Variants in DISC1 observed in about 807,000 individuals in gnomAD.
DISC1 encodes the protein DISC1 scaffold protein, also known as disrupted in schizophrenia 1 protein.
A neutral mutation model predicts 84.5 loss-of-function variants in DISC1; 57 were observed. The ratio of observed to expected loss-of-function variants is 0.67; its 90% CI spans 0.55 to 0.84. DISC1 has a LOEUF of 0.84. Ranked by LOEUF, DISC1 falls within the 40% of genes least tolerant of loss-of-function variation. The probability of loss-of-function intolerance (pLI) is 0.00; values close to 1 mark genes in which losing one functional copy is unlikely to be tolerated. For missense variants in DISC1, 1,000 were observed against 1,057.8 expected (o/e 0.95, Z 0.76); for synonymous variants, 411 against 415.2 (o/e 0.99, Z 0.12).
At chr1:231,892,496 C>G (rs767199456) in intron 9 of DISC1, among the ~76,000 whole-genome samples, 1 of 152,028 alleles carries the variant, frequency 6.6e-6, no homozygotes, top group Non-Finnish European at 1.5e-5. Flanking sequence ...GGTAAAGATA[C>G]AAGCTCACTG....
chr1:231,780,266 G>GA (rs915049994), intron 6 of DISC1, among the ~76,000 whole-genome samples: 83 of 137,152 alleles, frequency 6.1e-4, no homozygotes, highest in South Asian at 7.0e-4. Flanking sequence ...AGGAAAGAAT[G>GA]AAAAAAAAAA....
At chr1:231,664,590 C>T (rs757036829) in intron 1 of DISC1, among the ~76,000 whole-genome samples, 1 of 152,130 alleles carries the variant, frequency 6.6e-6, no homozygotes, top group African/African-American at 2.4e-5. Context: ...TGAAGATGCT[C>T]AACTGCTTTT....
chr1:231,736,320 A>G (rs1490074779), intron 3 of DISC1, among the ~76,000 whole-genome samples: 4 of 152,206 alleles, frequency 2.6e-5, no homozygotes, highest in Non-Finnish European at 5.9e-5. Flanking sequence ...GGCTCTTGGG[A>G]AAAGTAATAG....
chr1:231,708,515 G>A (rs1558389318), intron 3 of DISC1, among the ~76,000 whole-genome samples: 1 of 152,216 alleles, frequency 6.6e-6, no homozygotes, highest in Non-Finnish European at 1.5e-5. Context: ...TCTCTGGGTG[G>A]CTGCATACGA....
rs2087793994 is a variant in DISC1, at chr1:231,897,476, T to C, written c.1982-61352T>C. 6.6e-6 allele frequency among the ~76,000 whole-genome samples: 1 copy of C among 152,228 alleles called. No homozygotes were observed. Among genetic ancestry groups the C allele is most frequent in the South Asian group, 2.1e-4 (1 of 4,836 alleles). On this transcript the variant is annotated intron_variant, in intron 9 of 12. Transcript: ENST00000439617. The surrounding 1 kb of genome is among the most constrained non-coding windows in gnomAD (Gnocchi z 4.5). ...TCATTTATGGAACAAGGCCAAAATA[T>C]TTCTTTCACACATACAGCGCAGACT...
At chr1:231,914,967 A>G (rs922739147) in intron 9 of DISC1, among the ~76,000 whole-genome samples, 3 of 152,174 alleles carry the variant, frequency 2.0e-5, no homozygotes, top group African/African-American at 7.2e-5. Flanking sequence ...GAAATAGGTG[A>G]GGCAACAAGG....
intron 9 of DISC1, among the ~76,000 whole-genome samples, chr1:231,896,643 C>G (rs138261005): frequency 6.6e-6 from 1 of 152,210 alleles, no homozygotes; most frequent in African/African-American, 2.4e-5. Context: ...ATAAGTGGCT[C>G]AGGGACCCAA....
intron 9 of DISC1, among the ~76,000 whole-genome samples, chr1:231,892,197 G>A (rs912093776): frequency 2.0e-5 from 3 of 152,190 alleles, no homozygotes; most frequent in Admixed American, 6.5e-5. Flanking sequence ...GGTGGAGGAC[G>A]TGGGTGTCAG....
intron 7 of DISC1, among the ~76,000 whole-genome samples, chr1:231,799,281 A>G (rs927946712): frequency 6.6e-6 from 1 of 152,128 alleles, no homozygotes; most frequent in African/African-American, 2.4e-5. Context: ...GCAAGTATCT[A>G]TCTGCCTTCA....
At chr1:231,728,016 G>A (rs1283298555) in intron 3 of DISC1, among the ~76,000 whole-genome samples, 1 of 151,992 alleles carries the variant, frequency 6.6e-6, no homozygotes, top group African/African-American at 2.4e-5. Flanking sequence ...AGATTGTTTA[G>A]GATGAATCCA....
intron 3 of DISC1, among the ~76,000 whole-genome samples, chr1:231,726,094 G>T (rs2070647073): frequency 6.6e-6 from 1 of 152,074 alleles, no homozygotes; most frequent in African/African-American, 2.4e-5. Context: ...CAAAACAGAA[G>T]ATAAAAAGAT....
At chr1:231,947,224 A>AACCAAAACAGCATGGTACTGGT (rs568952350) in intron 9 of DISC1, among the ~76,000 whole-genome samples, 2,222 of 152,282 alleles carry the variant, frequency 0.015, 27 homozygotes, top group Non-Finnish European at 0.017. Flanking sequence ...AGCTTACAGT[A>AACCAAAACAGCATGGTACTGGT]ACCAAAACAG....
intron 6 of DISC1, among the ~76,000 whole-genome samples, chr1:231,789,498 G>A (rs1480587516): frequency 6.6e-6 from 1 of 152,234 alleles, no homozygotes; most frequent in Non-Finnish European, 1.5e-5. Flanking sequence ...GACTGTAGAG[G>A]AGTGAGGGTG....
chr1:232,025,744 C>G (rs1280539035), intron 11 of DISC1, among the ~76,000 whole-genome samples: 1 of 152,050 alleles, frequency 6.6e-6, no homozygotes, highest in Non-Finnish European at 1.5e-5. Context: ...CTACAGGCGC[C>G]CGCCACTACG....
chr1:231,923,306 C>CAAAAA (rs1558738260), intron 9 of DISC1, among the ~76,000 whole-genome samples: 1 of 109,418 alleles, frequency 9.1e-6, no homozygotes, highest in Admixed American at 9.4e-5. Flanking sequence ...ACAAAAAAAA[C>CAAAAA]CAAAAAAAAA....
chr1:231,661,163 G>GCT (rs1048070099), intron 1 of DISC1, among the ~76,000 whole-genome samples: 1 of 151,876 alleles, frequency 6.6e-6, no homozygotes, highest in African/African-American at 2.4e-5. Flanking sequence ...TTTCTTTCTG[G>GCT]CTGCCCTTCA....
In DISC1 at chr1:232,036,841, G is replaced by A. The variant is rs1264778751; in HGVS notation, c.*10G>A. 6.5e-7 allele frequency: 1 copy of A among 1,538,696 alleles called. No homozygotes were observed. ...CGAAGCACAAGCCTGAGGAGTGACG[G>A]GATGGGGGAGGGAGGTGGGCCACCA... On this transcript the variant is annotated 3_prime_UTR_variant, in exon 13 of 13. Transcript: ENST00000439617.
chr1:232,012,452 G>T (rs1668104207), intron 11 of DISC1, among the ~76,000 whole-genome samples: 1 of 152,152 alleles, frequency 6.6e-6, no homozygotes. Flanking sequence ...GTGTTTTCCG[G>T]GAGCCATTGA....
At chr1:231,668,229 G>T (rs1268402959) in intron 1 of DISC1, among the ~76,000 whole-genome samples, 1 of 151,906 alleles carries the variant, frequency 6.6e-6, no homozygotes, top group African/African-American at 2.4e-5. Context: ...TTTTTTTGGT[G>T]AAAGCATATA....
Sources: gnomAD v4.1 joint callset for allele counts (sites outside exome capture counted in the v4.1 genomes callset) on GRCh38, gnomAD v4.1.1 for gene constraint, Gnocchi (gnomAD v3.1) non-coding constraint, MANE v1.5 for transcripts, NCBI Gene and HGNC (gene_info 2026-07-23, HGNC 2026-07-21) for gene names.